ANO1: variants seen among roughly 807,000 people sequenced by gnomAD.
ANO1 encodes the protein anoctamin-1.
ANO1 carries 59 observed loss-of-function variants against 124.0 expected under a neutral mutation model. The ratio of observed to expected loss-of-function variants is 0.48; its 90% CI spans 0.39 to 0.59. The LOEUF (loss-of-function observed/expected upper bound fraction) is 0.59, where lower values mean the gene tolerates loss of function less well. Ranked by LOEUF, ANO1 falls within the 20% of genes least tolerant of loss-of-function variation. ANO1 has a pLI of 0.00. For missense variants in ANO1, 1,059 were observed against 1,328.0 expected, an observed-to-expected ratio of 0.80 and a Z score of 3.15; for synonymous variants, 529 against 532.0, an observed-to-expected ratio of 0.99 and a Z score of 0.08.
chr11:70,178,801 T>A (rs756357768), intron 22 of ANO1, among the ~76,000 whole-genome samples: 26 of 152,230 alleles, frequency 1.7e-4, no homozygotes, highest in Non-Finnish European at 3.4e-4. Context: ...TGGCTTCAAG[T>A]CATCTGCCCA....
intron 1 of ANO1, among the ~76,000 whole-genome samples, chr11:70,035,155 T>C (rs1857072416): frequency 6.6e-6 from 1 of 152,162 alleles, no homozygotes; most frequent in South Asian, 2.1e-4. Flanking sequence ...AACAAGGTGC[T>C]GCTTTCCAGC....
chr11:70,070,235 C>T (rs1372019156), intron 1 of ANO1, among the ~76,000 whole-genome samples: 2 of 152,102 alleles, frequency 1.3e-5, no homozygotes, highest in Non-Finnish European at 2.9e-5. Flanking sequence ...CAAATTATGA[C>T]AAAATCACCT....
chr11:70,067,737 C>G (rs146792747), intron 1 of ANO1, among the ~76,000 whole-genome samples: 2 of 152,190 alleles, frequency 1.3e-5, no homozygotes, highest in Non-Finnish European at 2.9e-5. Flanking sequence ...CCAGCCTTCC[C>G]GTCCCTCCAG....
upstream of ANO1, among the ~76,000 whole-genome samples, chr11:69,981,680 C>T (rs1855961052): frequency 6.6e-6 from 1 of 152,240 alleles, no homozygotes. Context: ...TCCTCTCCCG[C>T]TAGCCCTGCG....
chr11:70,004,659 C>T (rs1296880208), intron 1 of ANO1, among the ~76,000 whole-genome samples: 2 of 152,234 alleles, frequency 1.3e-5, no homozygotes, highest in Non-Finnish European at 2.9e-5. Flanking sequence ...CAAAAAATAT[C>T]GTGGAGCAAT....
At position 70,163,283 on chromosome 11, in the gene ANO1, G is replaced by A; in HGVS notation, c.1893G>A (p.Arg631=). The change falls in exon 19 of 26, where the codon CGG becomes CGA. Residue 631 remains arginine, a splice_region_variant and synonymous_variant. Coordinates refer to ENST00000355303, the MANE Select transcript of ANO1 (RefSeq NM_018043.7). ...PIFYVAFFKG[R]FVGRPGDYVY... ...CTAACGACCTCCCCCATCGTTTCAGGTTTGTTGGACGCCCGGGCGACTACG... is the reference window on the plus strand; with the variant it reads ...CTAACGACCTCCCCCATCGTTTCAGATTTGTTGGACGCCCGGGCGACTACG... The A allele has an allele frequency of 3.7e-6, 6 of 1,613,472 alleles. No homozygotes were observed. The highest frequency in any genetic ancestry group is 5.1e-6 in the Non-Finnish European group (6 of 1,179,850).
chr11:70,104,527 T>C (rs1010679059), intron 4 of ANO1, among the ~76,000 whole-genome samples: 1 of 151,982 alleles, frequency 6.6e-6, no homozygotes, highest in African/African-American at 2.4e-5. Context: ...CCCCAGTAAG[T>C]CTCACTCCTT....
intron 2 of ANO1, among the ~76,000 whole-genome samples, chr11:70,098,265 G>A (rs1011515067): frequency 3.3e-5 from 5 of 152,234 alleles, no homozygotes; most frequent in African/African-American, 9.6e-5. Flanking sequence ...GATTTGTCCA[G>A]GTGTTCTGTG....
intron 7 of ANO1, among the ~76,000 whole-genome samples, chr11:70,115,580 C>G (rs1488529526): frequency 6.6e-6 from 1 of 152,076 alleles, no homozygotes; most frequent in Non-Finnish European, 1.5e-5. Flanking sequence ...CCACTGTACT[C>G]CAGCCTGAGC....
chr11:70,017,892 G>A (rs114463211), intron 1 of ANO1, among the ~76,000 whole-genome samples: 2,632 of 152,166 alleles, frequency 0.017, 84 homozygotes, highest in African/African-American at 0.056. Flanking sequence ...TCATGGGCAG[G>A]TTCTAGCTAC....
chr11:69,996,392 C>A (rs1471140419), intron 1 of ANO1, among the ~76,000 whole-genome samples: 1 of 152,194 alleles, frequency 6.6e-6, no homozygotes, highest in South Asian at 2.1e-4. Flanking sequence ...TAGAAGTGTT[C>A]GGCTGAACAG....
chr11:70,076,077 A>G (rs782017674), upstream of ANO1, among the ~76,000 whole-genome samples: 11 of 152,226 alleles, frequency 7.2e-5, no homozygotes, highest in Non-Finnish European at 1.3e-4. Flanking sequence ...TTGCTGTGGC[A>G]TGTCCACACT....
the ANO1 span, among the ~76,000 whole-genome samples, chr11:69,974,079 G>C: frequency 6.6e-6 from 1 of 152,178 alleles, no homozygotes; most frequent in Non-Finnish European, 1.5e-5. Context: ...AGCACTTTGA[G>C]AGGCCGAGGT....
At chr11:69,968,228 G>T in the ANO1 span, among the ~76,000 whole-genome samples, 1 of 152,162 alleles carries the variant, frequency 6.6e-6, no homozygotes, top group Admixed American at 6.5e-5. Context: ...GGAGGAGGAG[G>T]CCATTCTTGG....
At chr11:70,124,241 T>C (rs2046399304) in intron 8 of ANO1, 109 bp from the exon 9 acceptor site, 5 of 999,210 alleles carry the variant, frequency 5.0e-6, no homozygotes, top group Non-Finnish European at 7.8e-6. Flanking sequence ...GAAGTGTTTA[T>C]GGGATGAATG....
At chr11:70,063,247 G>A (rs1360872642) in intron 1 of ANO1, among the ~76,000 whole-genome samples, 16 of 152,106 alleles carry the variant, frequency 1.1e-4, no homozygotes, top group African/African-American at 2.7e-4. Context: ...ATCAATTGAT[G>A]TTTGTTGAAT....
rs141662852 is a variant in ANO1, at chr11:70,085,613, A to G, written c.109-2139A>G. 1.2e-3 allele frequency: 1,874 copies of G among 1,535,094 alleles called. 14 individuals are homozygous for G. In the African/African-American group the frequency reaches 0.022, roughly 18 times the overall value. ...CCAAGGTGCCAGGGACATGGCCCCA[A>G]CTGTCCCCTAACCAGGGGTAGAGGA... is the stretch of plus-strand genomic sequence containing the variant. On this transcript the variant is annotated intron_variant, in intron 1 of 25. Transcript: ENST00000355303.
At chr11:70,126,642 G>A (rs574811030) in intron 10 of ANO1, among the ~76,000 whole-genome samples, 19 of 152,246 alleles carry the variant, frequency 1.2e-4, no homozygotes, top group Admixed American at 4.6e-4. Flanking sequence ...GGTGTTCGCG[G>A]GAGGTGAGCA....
At chr11:70,050,407 C>T (rs535496358) in intron 1 of ANO1, among the ~76,000 whole-genome samples, 1 of 152,306 alleles carries the variant, frequency 6.6e-6, no homozygotes, top group South Asian at 2.1e-4. Flanking sequence ...CACCATTGCT[C>T]CTGCTGCTTC....
Sources: gnomAD v4.1 joint callset for allele counts (sites outside exome capture counted in the v4.1 genomes callset) on GRCh38, gnomAD v4.1.1 for gene constraint, MANE v1.5 for transcripts, NCBI Gene and HGNC (gene_info 2026-07-23, HGNC 2026-07-21) for gene names.